Variants in RAD51B observed in about 807,000 individuals in gnomAD.
The protein encoded by RAD51B is RAD51 paralog B.
Under a neutral mutation model 42.2 loss-of-function variants are expected in RAD51B, and 38 were observed. The ratio of observed to expected loss-of-function variants is 0.90; its 90% CI spans 0.70 to 1.18. RAD51B has a LOEUF of 1.18. Among genes scored for constraint, RAD51B ranks in the 50% most tolerant of loss-of-function variants. RAD51B has a pLI of 0.00. For missense variants in RAD51B, 373 were observed against 400.7 expected (o/e 0.93, Z 0.59); for synonymous variants, 154 against 145.2 (o/e 1.06, Z -0.43).
intron 9 of RAD51B, among the ~76,000 whole-genome samples, chr14:68,432,058 G>A (rs1487042118): frequency 6.6e-6 from 1 of 152,204 alleles, no homozygotes; most frequent in African/African-American, 2.4e-5. Context: ...TAGTTGAGCG[G>A]TTTTGAGTGA....
intron 7 of RAD51B, among the ~76,000 whole-genome samples, chr14:68,004,424 C>T (rs1311400499): frequency 6.6e-6 from 1 of 150,856 alleles, no homozygotes; most frequent in African/African-American, 2.4e-5. Context: ...TTTGTAGTAC[C>T]GATTTTTCTT....
rs79597320 is a variant in RAD51B, at chr14:67,895,459, C to T, written c.756+8255C>T. On this transcript the variant is annotated intron_variant, in intron 7 of 10. Transcript: ENST00000471583. ...GGGTCTGCTTCTCTCTTTTCTGTAT[C>T]GGTAATAGTACATATGGGTACATAC... Among the ~76,000 whole-genome samples, 347 of 152,218 alleles carry T rather than the reference C, an allele frequency of 2.3e-3. 4 individuals carry two copies. The highest frequency in any genetic ancestry group is 7.7e-3 in the African/African-American group (319 of 41,528).
At chr14:68,474,992 T>C (rs1882438141) in intron 10 of RAD51B, among the ~76,000 whole-genome samples, 1 of 152,162 alleles carries the variant, frequency 6.6e-6, no homozygotes, top group African/African-American at 2.4e-5. Context: ...TTTTGCTCTG[T>C]CACACCTAGG....
intron 8 of RAD51B, among the ~76,000 whole-genome samples, chr14:68,381,738 C>T (rs1197867166): frequency 1.3e-5 from 2 of 152,168 alleles, no homozygotes. Flanking sequence ...TCTAACACTA[C>T]TTCTTCCTAT....
At position 68,540,258 on chromosome 14, in the gene RAD51B, C is replaced by A. The variant is rs573376844; in HGVS notation, c.1037-54227C>A. ...AACATAGGATCGTCTGAGTTCCTTG[C>A]ACCCTGTTCAAGGTTCAAGAGCCTA... On this transcript the variant is annotated intron_variant, in intron 10 of 10. Coordinates refer to the RAD51B transcript ENST00000487270. 5.2e-4 allele frequency: 533 copies of A among 1,018,914 alleles called. 3 individuals are homozygous for A. In the African/African-American group the frequency reaches 8.7e-3, roughly 17 times the overall value. The allele number at this position is 1,018,914 out of a possible 1,614,324, so 63.1% of individuals were successfully genotyped here. A position where few individuals can be genotyped will look rare whatever the true frequency, so the allele number is the denominator to read the frequency against.
intron 9 of RAD51B, among the ~76,000 whole-genome samples, chr14:68,466,131 G>A (rs988556097): frequency 6.6e-6 from 1 of 152,074 alleles, no homozygotes; most frequent in African/African-American, 2.4e-5. Flanking sequence ...ATGAATTAGT[G>A]TATCTAAATA....
chr14:68,120,661 G>C (rs1300330477), intron 7 of RAD51B, among the ~76,000 whole-genome samples: 1 of 151,964 alleles, frequency 6.6e-6, no homozygotes, highest in Non-Finnish European at 1.5e-5. Context: ...TTTGCCAACT[G>C]AGGGTGTCAC....
chr14:68,349,331 G>A (rs945486735), intron 8 of RAD51B, among the ~76,000 whole-genome samples: 1 of 151,756 alleles, frequency 6.6e-6, no homozygotes, highest in Admixed American at 6.6e-5. Context: ...TCTCTTTACA[G>A]GGCAAAGGAA....
chr14:67,886,125 T>C (rs2043053716), intron 6 of RAD51B, 137 bp downstream of exon 6: 2 of 650,246 alleles, frequency 3.1e-6, no homozygotes, highest in Non-Finnish European at 4.8e-6. Flanking sequence ...TTCTTCTTTG[T>C]TATAGCCTTT....
Position 67,864,998 on chromosome 14 carries a change from T to TTTTTTTTTTTTTTG in RAD51B, c.316-3_316-2insTTTTTTTTTTTGTT. 1 of 1,300,318 alleles carries TTTTTTTTTTTTTTG rather than the reference T, an allele frequency of 7.7e-7. No homozygotes were observed. Among genetic ancestry groups the TTTTTTTTTTTTTTG allele is most frequent in the Non-Finnish European group, 9.8e-7 (1 of 1,021,962 alleles). 80.5% of individuals were successfully genotyped at this position (1,300,318 alleles called of 1,614,324 possible). A position where few individuals can be genotyped will look rare whatever the true frequency, so the allele number is the denominator to read the frequency against. ...TTTTTTTTTTTTTTTTTTTTTTTTT[T>TTTTTTTTTTTTTTG]TTAGATTACAGGTCCACCAGGTTGT... On this transcript the variant is annotated splice_region_variant and splice_polypyrimidine_tract_variant and intron_variant, in intron 4 of 10. Coordinates refer to ENST00000471583, the MANE Select transcript of RAD51B (RefSeq NM_133510.4).
At chr14:67,989,636 A>G (rs2075256420) in intron 7 of RAD51B, among the ~76,000 whole-genome samples, 1 of 55,752 alleles carries the variant, frequency 1.8e-5, no homozygotes, top group East Asian at 3.5e-4. Context: ...ACTCTGTCTC[A>G]AAAAAAAAAA....
chr14:68,004,340 A>G (rs1460304892), intron 7 of RAD51B, among the ~76,000 whole-genome samples: 1 of 150,850 alleles, frequency 6.6e-6, no homozygotes, highest in Middle Eastern at 3.2e-3. Context: ...CTCAAAAAAA[A>G]AAAAAAAAAA....
intron 7 of RAD51B, among the ~76,000 whole-genome samples, chr14:68,238,030 A>G (rs2080301976): frequency 6.6e-6 from 1 of 152,052 alleles, no homozygotes; most frequent in Non-Finnish European, 1.5e-5. Flanking sequence ...TCATATGAAT[A>G]TATCTCCGAG....
intron 7 of RAD51B, among the ~76,000 whole-genome samples, chr14:68,119,209 T>A (rs1002717754): frequency 4.0e-5 from 6 of 151,876 alleles, no homozygotes; most frequent in African/African-American, 1.2e-4. Flanking sequence ...TTTTCCGATT[T>A]TTTTGTAGAG....
At chr14:68,636,906 A>C (rs1892352466) in intron 10 of RAD51B, among the ~76,000 whole-genome samples, 1 of 152,162 alleles carries the variant, frequency 6.6e-6, no homozygotes. Context: ...CTCTTGGGAG[A>C]GCCCTTCGTT....
At chr14:68,092,586 A>T (rs2077119709) in intron 7 of RAD51B, among the ~76,000 whole-genome samples, 1 of 152,176 alleles carries the variant, frequency 6.6e-6, no homozygotes. Context: ...TTATCAGCTT[A>T]AGGAGATTTT....
intron 9 of RAD51B, among the ~76,000 whole-genome samples, chr14:68,441,128 A>G (rs1677070280): frequency 6.6e-6 from 1 of 152,336 alleles, no homozygotes. Context: ...TTTGTATGAC[A>G]TTGTTAGTTC....
chr14:68,548,175 G>A (rs747963871), intron 10 of RAD51B, among the ~76,000 whole-genome samples: 19 of 152,086 alleles, frequency 1.2e-4, no homozygotes, highest in Admixed American at 2.6e-4. Flanking sequence ...CTGAGATACC[G>A]AGGCTTCCTC....
At chr14:68,330,710 A>G (rs1158107966) in intron 8 of RAD51B, among the ~76,000 whole-genome samples, 1 of 152,224 alleles carries the variant, frequency 6.6e-6, no homozygotes, top group Non-Finnish European at 1.5e-5. Flanking sequence ...AACAAAAACA[A>G]AGGAATACTA....
Sources: allele counts gnomAD v4.1 joint callset (sites outside exome capture counted in the v4.1 genomes callset), GRCh38; gene constraint gnomAD v4.1.1; transcripts MANE v1.5; gene names NCBI Gene and HGNC (gene_info 2026-07-23, HGNC 2026-07-21).